PUDP: variants seen among roughly 807,000 people sequenced by gnomAD.
PUDP encodes the protein pseudouridine-5'-phosphatase.
PUDP carries 8 observed loss-of-function variants against 9.4 expected under a neutral mutation model. The observed-to-expected ratio is 0.85, with a 90% CI of 0.50 to 1.53. PUDP has a LOEUF of 1.53. PUDP is among the 40% of genes most tolerant of loss of function. The pLI is 0.00. For synonymous variants in PUDP, 99 were observed against 80.7 expected (o/e 1.23, Z -1.22); for missense variants, 188 against 189.7 (o/e 0.99, Z 0.05).
At chrX:6,735,765 C>A (rs73457836) in intron 3 of PUDP, among the ~76,000 whole-genome samples, 8,338 of 111,094 alleles carry the variant, frequency 0.075, 573 homozygotes, top group African/African-American at 0.22. Flanking sequence ...TCCATTTACA[C>A]ACTTGATGTG....
intron 3 of PUDP, among the ~76,000 whole-genome samples, chrX:6,917,916 GCAAA>G (rs1473692777): frequency 8.9e-6 from 1 of 111,884 alleles, no homozygotes; most frequent in Non-Finnish European, 1.9e-5. Context: ...ACGTCATGGG[GCAAA>G]CAAAGAAACG....
chrX:6,987,358 T>C (rs1421501488), intron 1 of PUDP, among the ~76,000 whole-genome samples: 1 of 111,895 alleles, frequency 8.9e-6, no homozygotes, highest in African/African-American at 3.2e-5. Flanking sequence ...GGAAACACGA[T>C]AAGGAAACCA....
At chrX:6,829,414 A>G (rs902379326) in intron 3 of PUDP, among the ~76,000 whole-genome samples, 1 of 111,858 alleles carries the variant, frequency 8.9e-6, no homozygotes, top group African/African-American at 3.3e-5. Context: ...GGATAAGAGT[A>G]TATTTATTTT....
intron 3 of PUDP, among the ~76,000 whole-genome samples, chrX:6,793,271 G>A (rs187348642): frequency 6.3e-5 from 7 of 111,832 alleles, no homozygotes; most frequent in African/African-American, 1.9e-4. Flanking sequence ...TCCTCACATC[G>A]CAGATGGGAC....
intron 2 of PUDP, among the ~76,000 whole-genome samples, chrX:7,090,219 A>G (rs779659944): frequency 1.8e-4 from 20 of 110,939 alleles, no homozygotes; most frequent in Non-Finnish European, 3.6e-4. Flanking sequence ...TCTAAATATT[A>G]TATATACTAT....
intron 3 of PUDP, among the ~76,000 whole-genome samples, chrX:6,967,959 C>T (rs6654833): frequency 0.032 from 3,545 of 112,206 alleles, 143 homozygotes; most frequent in African/African-American, 0.11. Flanking sequence ...AGAATCTAGA[C>T]AGACAGGCTG....
At chrX:6,967,080 A>G (rs1928797800) in intron 3 of PUDP, among the ~76,000 whole-genome samples, 1 of 111,625 alleles carries the variant, frequency 9.0e-6, no homozygotes, top group Non-Finnish European at 1.9e-5. Flanking sequence ...GTTGAGGGTC[A>G]TTGGTAATTG....
rs1321342234 is a variant in PUDP, at chrX:7,024,917, G to C, written c.205-46574C>G. ...ACATAACCTAGCCTTCTTTGTCTGA[G>C]TGTGTGTGCATGATTAAATAGATCA... On this transcript the variant is annotated intron_variant and NMD_transcript_variant, in intron 1 of 3. Coordinates refer to the PUDP transcript ENST00000655425. 2.7e-5 allele frequency among the ~76,000 whole-genome samples: 3 copies of C among 109,467 alleles called. No individual in the cohort carries two copies. In the Admixed American group the frequency reaches 2.9e-4, roughly 11 times the overall value.
chrX:6,749,602 G>C (rs1925041984), intron 3 of PUDP, among the ~76,000 whole-genome samples: 1 of 111,947 alleles, frequency 8.9e-6, no homozygotes, highest in South Asian at 3.8e-4. Context: ...AATCTTGGCA[G>C]GATGAGTTTC....
intron 3 of PUDP, among the ~76,000 whole-genome samples, chrX:6,757,522 G>T (rs1184987304): frequency 2.7e-5 from 3 of 111,291 alleles, no homozygotes; most frequent in Non-Finnish European, 5.7e-5. Flanking sequence ...TTATCAACAA[G>T]AGATAAATTA....
chrX:7,024,138 G>T (rs1218124133), intron 1 of PUDP, among the ~76,000 whole-genome samples: 1 of 111,760 alleles, frequency 8.9e-6, no homozygotes, highest in African/African-American at 3.2e-5. Context: ...TAGGCATAAA[G>T]ATGGCTTTAC....
intron 3 of PUDP, among the ~76,000 whole-genome samples, chrX:6,851,798 G>A (rs1177627189): frequency 9.0e-6 from 1 of 111,175 alleles, no homozygotes; most frequent in Non-Finnish European, 1.9e-5. Flanking sequence ...GGGACACAGA[G>A]TCCAACTCTT....
intron 3 of PUDP, 51 bp from the exon 4 acceptor site, chrX:7,050,523 T>A (rs1930071100): frequency 2.8e-6 from 3 of 1,077,120 alleles, no homozygotes; most frequent in African/African-American, 1.8e-5. Context: ...ACCAGACATG[T>A]GGATGAAGTG....
At chrX:6,891,405 T>C (rs1427648162) in intron 3 of PUDP, among the ~76,000 whole-genome samples, 1 of 112,093 alleles carries the variant, frequency 8.9e-6, no homozygotes, top group Non-Finnish European at 1.9e-5. Flanking sequence ...CAAGCTAACA[T>C]GTGGTTTCTA....
chrX:6,970,250 C>T (rs780781503), intron 3 of PUDP, among the ~76,000 whole-genome samples: 11 of 112,344 alleles, frequency 9.8e-5, no homozygotes, highest in Non-Finnish European at 2.1e-4. Flanking sequence ...TTGAAAATCG[C>T]TTTGTAAAAT....
Position 7,108,267 on chromosome X carries a change from G to A in PUDP, c.62-2429C>T, listed in dbSNP as rs184866568. On this transcript the variant is annotated intron_variant, in intron 1 of 3. Coordinates refer to ENST00000381077, the MANE Select transcript of PUDP (RefSeq NM_012080.5). ...GCTCACTGACTGCTTTGGCTGCCAC[G>A]GTGTGGACTTTGCCTCTGTGCACGC... 4.1e-3 allele frequency among the ~76,000 whole-genome samples: 466 copies of A among 112,292 alleles called. 4 individuals are homozygous for A. Among genetic ancestry groups the A allele is most frequent in the Non-Finnish European group, 6.0e-3 (319 of 53,188 alleles).
intron 3 of PUDP, chrX:7,057,680 C>A: frequency 1.7e-6 from 2 of 1,151,751 alleles, no homozygotes; most frequent in Non-Finnish European, 2.3e-6. Context: ...GGTCTCCATG[C>A]ACTGTGGCTG....
chrX:6,741,792 TTC>T (rs1157893801), intron 3 of PUDP, among the ~76,000 whole-genome samples: 1 of 106,591 alleles, frequency 9.4e-6, no homozygotes, highest in Non-Finnish European at 1.9e-5. Flanking sequence ...GTATAAAGAT[TTC>T]TCTCTTTTTA....
intron 1 of PUDP, among the ~76,000 whole-genome samples, chrX:7,022,643 C>T (rs1214618119): frequency 8.9e-6 from 1 of 111,767 alleles, no homozygotes; most frequent in African/African-American, 3.3e-5. Flanking sequence ...CCAGGAACTG[C>T]TCATGTGAAG....
Sources: gnomAD v4.1 joint callset for allele counts (sites outside exome capture counted in the v4.1 genomes callset) on GRCh38, gnomAD v4.1.1 for gene constraint, MANE v1.5 for transcripts, NCBI Gene and HGNC (gene_info 2026-07-23, HGNC 2026-07-21) for gene names.